Variants in CLIP1 observed in about 807,000 individuals in gnomAD.
CLIP1 encodes CAP-Gly domain-containing linker protein 1.
Under a neutral mutation model 161.6 loss-of-function variants are expected in CLIP1, and 66 were observed. That is an observed-to-expected ratio of 0.41 (90% confidence interval 0.33 to 0.50). CLIP1 has a LOEUF of 0.50. CLIP1 is among the 20% of genes least tolerant of loss of function. CLIP1 has a pLI of 0.27. For missense variants in CLIP1, 1,376 were observed against 1,702.0 expected, an observed-to-expected ratio of 0.81 and a Z score of 3.37; for synonymous variants, 598 against 626.2, an observed-to-expected ratio of 0.96 and a Z score of 0.67.
At position 122,382,852 on chromosome 12, in the gene CLIP1, A is replaced by G. The variant is rs375494603; in HGVS notation, c.-106-2294T>C. Among the ~76,000 whole-genome samples, 597 of 152,296 alleles carry G rather than the reference A, an allele frequency of 3.9e-3. 9 individuals carry two copies. Among genetic ancestry groups the G allele is most frequent in the South Asian group, 0.034 (163 of 4,820 alleles). On this transcript the variant is annotated intron_variant, in intron 1 of 25. Coordinates refer to ENST00000620786, the MANE Select transcript of CLIP1 (RefSeq NM_001247997.2). The stretch of plus-strand genomic sequence containing the variant: ...CAAGCTCCTCACCGCCATTACCACC[A>G]TCACCACTGCCATCAGTGATGAGGG...
At chr12:122,414,447 G>A (rs1327546069) in intron 1 of CLIP1, among the ~76,000 whole-genome samples, 1 of 151,704 alleles carries the variant, frequency 6.6e-6, no homozygotes, top group African/African-American at 2.4e-5. Flanking sequence ...ACTGCACCTG[G>A]CCAAATATCT....
At chr12:122,340,714 C>G (rs368494232) in intron 11 of CLIP1, 39 bp downstream of exon 11, 28 of 1,462,852 alleles carry the variant, frequency 1.9e-5, no homozygotes, top group Non-Finnish European at 2.3e-5. Flanking sequence ...ACAAGAATAA[C>G]AAATGGAAAA....
chr12:122,298,985 T>G (rs1950574182), intron 20 of CLIP1, among the ~76,000 whole-genome samples: 1 of 152,136 alleles, frequency 6.6e-6, no homozygotes. Flanking sequence ...ATCAATGGTG[T>G]GGCTACAGGG....
intron 1 of CLIP1, among the ~76,000 whole-genome samples, chr12:122,391,675 A>C (rs1009400703): frequency 2.0e-5 from 3 of 152,234 alleles, no homozygotes; most frequent in Non-Finnish European, 4.4e-5. Context: ...TGTCAAATTT[A>C]GTATTCCTGA....
intron 19 of CLIP1, among the ~76,000 whole-genome samples, chr12:122,310,740 T>G (rs1023256248): frequency 2.6e-5 from 4 of 152,240 alleles, no homozygotes; most frequent in African/African-American, 9.6e-5. Context: ...AGTACATCTG[T>G]GTTGGTTAAA....
At chr12:122,374,214 G>A (rs1195843070) in intron 3 of CLIP1, among the ~76,000 whole-genome samples, 3 of 150,126 alleles carry the variant, frequency 2.0e-5, no homozygotes, top group Non-Finnish European at 4.4e-5. Flanking sequence ...GCTCACGCCT[G>A]TAACCCCAAC....
intron 12 of CLIP1, among the ~76,000 whole-genome samples, chr12:122,336,413 TA>T (rs144935400): frequency 0.036 from 4,958 of 138,956 alleles, 109 homozygotes; most frequent in Admixed American, 0.05. Flanking sequence ...AGGGATAGAT[TA>T]AAAAAAAAAA....
At chr12:122,307,898 C>T (rs1178513891) in intron 20 of CLIP1, among the ~76,000 whole-genome samples, 1 of 152,192 alleles carries the variant, frequency 6.6e-6, no homozygotes, top group Non-Finnish European at 1.5e-5. Context: ...ATTATTTCTC[C>T]TTCTGAGTTA....
intron 25 of CLIP1, among the ~76,000 whole-genome samples, chr12:122,273,789 T>C (rs1034820509): frequency 6.6e-6 from 1 of 152,026 alleles, no homozygotes; most frequent in Non-Finnish European, 1.5e-5. Flanking sequence ...TGGAGTACAG[T>C]GGCGCAATCT....
intron 11 of CLIP1, among the ~76,000 whole-genome samples, chr12:122,340,308 G>A (rs945879665): frequency 6.6e-6 from 1 of 152,072 alleles, no homozygotes; most frequent in Admixed American, 6.6e-5. Context: ...TCGAACTCCT[G>A]ACCTCAGGTG....
In CLIP1 at chr12:122,340,966, C is replaced by A. The variant is rs1435661462; in HGVS notation, c.2238G>T (p.Glu746Asp). ...GTTCATTGCATTTGGCTTGCAGTAC[C>A]TCTAGCTCCTTTACCTTTATTTCAG... ...QEAEIKVKEL[E>D]VLQAKCNEQT... The change falls in exon 11 of 26, where the codon GAG (glutamate) becomes GAT (aspartate). Residue 746 changes from glutamate (E) to aspartate (D), a missense_variant. Glu to Asp is a conservative substitution (Grantham distance 45, BLOSUM62 2). Coordinates refer to ENST00000620786, the MANE Select transcript of CLIP1 (RefSeq NM_001247997.2). 2 of 1,614,196 alleles carry A rather than the reference C, an allele frequency of 1.2e-6. No individual in the cohort carries two copies. Among genetic ancestry groups the A allele is most frequent in the Admixed American group, 1.7e-5 (1 of 60,028 alleles).
chr12:122,279,251 A>T lies in CLIP1; in HGVS notation c.3648-106T>A, dbSNP rs1299688680. ...ATTAATGTTAGTTAATGTAAAAAAA[A>T]AAATATAACAGGGAAGTTTTATAGG... On this transcript the variant is annotated intron_variant, in intron 21 of 25. Transcript: ENST00000620786. This position sits in a 1 kb window ranked among gnomAD's most constrained non-coding sequence, Gnocchi z 4.5. 9.5e-6 allele frequency: 7 copies of T among 736,246 alleles called. No homozygotes were observed. The highest frequency in any genetic ancestry group is 4.4e-5 in the South Asian group (2 of 45,104). 45.6% of individuals were successfully genotyped at this position (736,246 alleles called of 1,614,324 possible). A position where few individuals can be genotyped will look rare whatever the true frequency, so the allele number is the denominator to read the frequency against.
Position 122,331,202 on chromosome 12 carries a change from C to T in CLIP1, c.2867+1785G>A, listed in dbSNP as rs373242636. 5.8e-4 allele frequency among the ~76,000 whole-genome samples: 87 copies of T among 151,194 alleles called. 1 individual carries two copies. The South Asian group carries it at 7.1e-3, about 12-fold the overall frequency. ...GCTAATTTTGTATCTTTAGTAGAGA[C>T]GGGGTTTTCCATGTTGGTCAGGCTG... On this transcript the variant is annotated intron_variant, in intron 15 of 25. Coordinates refer to ENST00000620786, the MANE Select transcript of CLIP1 (RefSeq NM_001247997.2).
At chr12:122,421,007 CT>C (rs1206444531) in intron 1 of CLIP1, among the ~76,000 whole-genome samples, 1 of 150,164 alleles carries the variant, frequency 6.7e-6, no homozygotes, top group Non-Finnish European at 1.5e-5. Context: ...CACAGATTCC[CT>C]ATACTAATCG....
At chr12:122,328,482 A>G in intron 15 of CLIP1, 56 bp from the exon 16 acceptor site, 2 of 1,074,126 alleles carry the variant, frequency 1.9e-6, no homozygotes, top group Non-Finnish European at 2.5e-6. Context: ...TTTTAAATTT[A>G]AGTTATATTA....
intron 10 of CLIP1, 65 bp from the exon 11 acceptor site, chr12:122,341,762 CTTTTTTTTTTTTTTTT>C (rs57202144): frequency 1.1e-3 from 113 of 98,630 alleles, no homozygotes; most frequent in South Asian, 2.3e-3. Flanking sequence ...ATTTTCTTTT[CTTTTTTTTTTTTTTTT>C]TTTTTTTTTT....
chr12:122,333,584 G>A (rs1157321139), intron 14 of CLIP1, among the ~76,000 whole-genome samples: 24 of 152,202 alleles, frequency 1.6e-4, no homozygotes, highest in African/African-American at 4.8e-5. Flanking sequence ...GGGCCTGATC[G>A]TGTAAGGATC....
At chr12:122,407,933 C>G (rs1344705525) in intron 1 of CLIP1, among the ~76,000 whole-genome samples, 2 of 151,764 alleles carry the variant, frequency 1.3e-5, no homozygotes, top group Non-Finnish European at 2.9e-5. Context: ...GAATCAAGGT[C>G]TTTCATATTG....
intron 20 of CLIP1, among the ~76,000 whole-genome samples, chr12:122,297,590 C>G (rs1950521132): frequency 6.6e-6 from 1 of 152,162 alleles, no homozygotes; most frequent in South Asian, 2.1e-4. Context: ...TCGAACCAAG[C>G]AAGTGTTCTG....
Sources: gnomAD v4.1 joint callset for allele counts (sites outside exome capture counted in the v4.1 genomes callset) on GRCh38, gnomAD v4.1.1 for gene constraint, Gnocchi (gnomAD v3.1) non-coding constraint, MANE v1.5 for transcripts, NCBI Gene and HGNC (gene_info 2026-07-23, HGNC 2026-07-21) for gene names.